The following LRCH1 variants were observed in gnomAD, a reference collection of about 807,000 sequenced individuals.
LRCH1 encodes leucine-rich repeat and calponin homology domain-containing protein 1.
Under a neutral mutation model 94.9 loss-of-function variants are expected in LRCH1, and 23 were observed. That is an observed-to-expected ratio of 0.24 (90% CI 0.17 to 0.34). The LOEUF is 0.34. Among genes scored for constraint, LRCH1 ranks in the 10% least tolerant of loss-of-function variants. The pLI is 1.00. For synonymous variants in LRCH1, 364 were observed against 354.9 expected, an observed-to-expected ratio of 1.03 and a Z score of -0.29; for missense variants, 790 against 945.9, an observed-to-expected ratio of 0.84 and a Z score of 2.16.
chr13:46,567,241 AATC>A (rs554376473), intron 1 of LRCH1, among the ~76,000 whole-genome samples: 9 of 152,254 alleles, frequency 5.9e-5, no homozygotes, highest in Admixed American at 1.3e-4. Context: ...ATGTAATAAG[AATC>A]ATCAATTTGA....
chr13:46,652,055 GTTT>G (rs71077910), intron 2 of LRCH1, among the ~76,000 whole-genome samples: 2 of 56,022 alleles, frequency 3.6e-5, no homozygotes, highest in Non-Finnish European at 7.1e-5. Context: ...GCCTGCTGAT[GTTT>G]TTTTTTTTTT....
chr13:46,596,118 G>A (rs1425303648), intron 1 of LRCH1, among the ~76,000 whole-genome samples: 1 of 152,174 alleles, frequency 6.6e-6, no homozygotes, highest in Non-Finnish European at 1.5e-5. Flanking sequence ...GAGGAGCTGA[G>A]GTTTGGATGG....
At chr13:46,693,873 A>G (rs1410484797) in intron 8 of LRCH1, among the ~76,000 whole-genome samples, 1 of 152,196 alleles carries the variant, frequency 6.6e-6, no homozygotes, top group African/African-American at 2.4e-5. Context: ...CTGGATTAAT[A>G]TACAGATCTT....
chr13:46,624,044 C>T (rs943004114), intron 1 of LRCH1, among the ~76,000 whole-genome samples: 1 of 151,982 alleles, frequency 6.6e-6, no homozygotes, highest in African/African-American at 2.4e-5. Flanking sequence ...CCACCACACC[C>T]AGACAATTTT....
At chr13:46,638,962 A>T (rs1175334348) in intron 1 of LRCH1, among the ~76,000 whole-genome samples, 2 of 152,228 alleles carry the variant, frequency 1.3e-5, no homozygotes, top group African/African-American at 4.8e-5. Context: ...ATTGAGGATT[A>T]TGGTTAACTG....
intron 1 of LRCH1, among the ~76,000 whole-genome samples, chr13:46,634,767 T>C (rs575170441): frequency 6.6e-6 from 1 of 152,196 alleles, no homozygotes; most frequent in South Asian, 2.1e-4. Context: ...CTGTCTCTAA[T>C]ATCTAGCATG....
chr13:46,573,866 A>ATATATTTTTT, intron 1 of LRCH1, among the ~76,000 whole-genome samples: 4 of 63,420 alleles, frequency 6.3e-5, no homozygotes, highest in Non-Finnish European at 1.3e-4. Context: ...ATATATATAT[A>ATATATTTTTT]TTTTTTTTTT....
intron 2 of LRCH1, among the ~76,000 whole-genome samples, chr13:46,654,397 G>A (rs2051345003): frequency 6.6e-6 from 1 of 152,182 alleles, no homozygotes; most frequent in South Asian, 2.1e-4. Context: ...TATATATTTT[G>A]TTGGGTATGG....
At chr13:46,675,892 G>A (rs1039252335) in intron 3 of LRCH1, among the ~76,000 whole-genome samples, 5 of 152,142 alleles carry the variant, frequency 3.3e-5, no homozygotes, top group Admixed American at 6.5e-5. Context: ...TTTTGCTCTG[G>A]AAAAAGACAC....
chr13:46,616,637 T>A (rs2050812111), intron 1 of LRCH1, among the ~76,000 whole-genome samples: 1 of 152,272 alleles, frequency 6.6e-6, no homozygotes, highest in Non-Finnish European at 1.5e-5. Flanking sequence ...ATAAATCTCT[T>A]ATTTCTGCAT....
At chr13:46,592,135 T>C (rs1010485002) in intron 1 of LRCH1, among the ~76,000 whole-genome samples, 1 of 152,214 alleles carries the variant, frequency 6.6e-6, no homozygotes, top group African/African-American at 2.4e-5. Context: ...AAGGAACAGT[T>C]GGGCAGCTTT....
At chr13:46,748,681 C>T (rs1030153749), downstream of LRCH1, among the ~76,000 whole-genome samples, 3 of 152,202 alleles carry the variant, frequency 2.0e-5, no homozygotes, top group African/African-American at 7.2e-5. Flanking sequence ...CAGGTTGATA[C>T]TTGGCTAATA....
intron 1 of LRCH1, among the ~76,000 whole-genome samples, chr13:46,556,371 T>C (rs1194652669): frequency 1.3e-5 from 2 of 152,342 alleles, no homozygotes; most frequent in East Asian, 1.9e-4. Flanking sequence ...ACTTTATTGA[T>C]AGGAAAAAAT....
chr13:46,625,904 C>T (rs185177171), intron 1 of LRCH1, among the ~76,000 whole-genome samples: 31 of 152,258 alleles, frequency 2.0e-4, no homozygotes, highest in Non-Finnish European at 3.7e-4. Flanking sequence ...CTGCCCACCT[C>T]AGCCTCCCAA....
chr13:46,656,517 G>A (rs1034995151), intron 2 of LRCH1, among the ~76,000 whole-genome samples: 1 of 152,240 alleles, frequency 6.6e-6, no homozygotes, highest in Non-Finnish European at 1.5e-5. Context: ...GTCTTTGGTA[G>A]CCAGGTTTTG....
downstream of LRCH1, among the ~76,000 whole-genome samples, chr13:46,746,197 C>A (rs189609526): frequency 9.1e-4 from 139 of 152,280 alleles, no homozygotes; most frequent in African/African-American, 3.0e-3. Context: ...AACTCTCTCT[C>A]TATATTAGTT....
chr13:46,567,848 A>C (rs1251089347), intron 1 of LRCH1, among the ~76,000 whole-genome samples: 2 of 152,146 alleles, frequency 1.3e-5, no homozygotes, highest in Non-Finnish European at 2.9e-5. Flanking sequence ...TGAAATTTGC[A>C]CCATGGGAGT....
chr13:46,554,178 G>T (rs2050037127), intron 1 of LRCH1, among the ~76,000 whole-genome samples: 1 of 152,262 alleles, frequency 6.6e-6, no homozygotes, highest in Non-Finnish European at 1.5e-5. Flanking sequence ...AGCCCATCCT[G>T]GTGGGGAAAC....
intron 4 of LRCH1, among the ~76,000 whole-genome samples, chr13:46,683,308 A>G (rs536340782): frequency 6.6e-6 from 1 of 152,352 alleles, no homozygotes; most frequent in South Asian, 2.1e-4. Context: ...GGGAGGTTCA[A>G]GTCCGCTTGC....
Sources: gnomAD v4.1 joint callset for allele counts (sites outside exome capture counted in the v4.1 genomes callset) on GRCh38, gnomAD v4.1.1 for gene constraint, MANE v1.5 for transcripts, NCBI Gene and HGNC (gene_info 2026-07-23, HGNC 2026-07-21) for gene names.